The following NCR1 variants were observed in gnomAD, a reference collection of about 807,000 sequenced individuals.
The protein encoded by NCR1 is NK cell-activating receptor.
A neutral mutation model predicts 32.5 loss-of-function variants in NCR1; 30 were observed. The observed-to-expected ratio is 0.92, with a 90% confidence interval of 0.69 to 1.25. NCR1 has a LOEUF of 1.25. Ranked by LOEUF, NCR1 falls within the 50% of genes most tolerant of loss-of-function variation. The pLI is 0.00. For synonymous variants in NCR1, 169 were observed against 143.4 expected, an observed-to-expected ratio of 1.18 and a Z score of -1.28; for missense variants, 369 against 380.7, an observed-to-expected ratio of 0.97 and a Z score of 0.26.
intron 6 of NCR1, 89 bp downstream of exon 6, chr19:54,912,307 G>A: frequency 7.4e-7 from 1 of 1,360,060 alleles, no homozygotes; most frequent in Non-Finnish European, 1.0e-6. Context: ...GAACAAGAGG[G>A]TGTCCTTGGC....
chr19:54,898,722 T>A, the NCR1 span, among the ~76,000 whole-genome samples: 1 of 152,192 alleles, frequency 6.6e-6, no homozygotes, highest in Non-Finnish European at 1.5e-5. Context: ...GCTGTGTTTT[T>A]AAATTTGATG....
chr19:54,930,097 T>C, the NCR1 span, among the ~76,000 whole-genome samples: 2 of 106,342 alleles, frequency 1.9e-5, no homozygotes, highest in South Asian at 3.0e-4. Context: ...CCTGGGCAAC[T>C]AGAACGAGGC....
At chr19:54,899,719 GC>G in the NCR1 span, among the ~76,000 whole-genome samples, 1 of 151,752 alleles carries the variant, frequency 6.6e-6, no homozygotes, top group Admixed American at 6.6e-5. Context: ...GGGGGTTCTT[GC>G]CCCCCCAGAA....
chr19:54,933,866 G>T, the NCR1 span: 1 of 824,954 alleles, frequency 1.2e-6, no homozygotes, highest in Non-Finnish European at 2.1e-6. Context: ...CCTCTGTCCT[G>T]TGGGAGTCAT....
At chr19:54,907,382 C>A (rs1170009131) in intron 3 of NCR1, among the ~76,000 whole-genome samples, 1 of 149,858 alleles carries the variant, frequency 6.7e-6, no homozygotes, top group African/African-American at 2.5e-5. Context: ...AACTCCTGAC[C>A]TCAGATGATC....
At chr19:54,925,019 T>C in the NCR1 span, among the ~76,000 whole-genome samples, 6 of 152,154 alleles carry the variant, frequency 3.9e-5, no homozygotes, top group South Asian at 8.3e-4. Flanking sequence ...GGGTTAATGA[T>C]AGCAAACTTG....
intron 5 of NCR1, among the ~76,000 whole-genome samples, chr19:54,911,812 C>A (rs2067990082): frequency 6.6e-6 from 1 of 151,382 alleles, no homozygotes; most frequent in East Asian, 1.9e-4. Context: ...GCCAACATGG[C>A]AAAACCCCGT....
At chr19:54,927,389 A>T in the NCR1 span, among the ~76,000 whole-genome samples, 1 of 151,766 alleles carries the variant, frequency 6.6e-6, no homozygotes, top group Non-Finnish European at 1.5e-5. Context: ...CTCAAAAAAA[A>T]AAAAAGAAAA....
chr19:54,934,576 C>T, the NCR1 span: 229 of 1,614,080 alleles, frequency 1.4e-4, 1 homozygote, highest in South Asian at 7.5e-4. This position sits in a 1 kb window ranked among gnomAD's most constrained non-coding sequence, Gnocchi z 6.7. Context: ...GGCTGAGAGA[C>T]GCAGGTGCTT....
the NCR1 span, among the ~76,000 whole-genome samples, chr19:54,930,072 G>A: frequency 2.1e-5 from 3 of 142,192 alleles, no homozygotes; most frequent in East Asian, 2.1e-4. Context: ...CCGAGATCGC[G>A]CCACTGCACT....
the NCR1 span, among the ~76,000 whole-genome samples, chr19:54,926,227 T>TGTGTGTGTGTGTGC: frequency 3.3e-4 from 50 of 150,842 alleles, no homozygotes; most frequent in Middle Eastern, 6.8e-3. Context: ...TGTGTGTGTG[T>TGTGTGTGTGTGTGC]GCTCATGCAC....
the NCR1 span, chr19:54,936,332 C>G: frequency 6.2e-7 from 1 of 1,614,090 alleles, no homozygotes; most frequent in Non-Finnish European, 8.5e-7. Flanking sequence ...TGCGTTCCCA[C>G]TCGATGTGCC....
chr19:54,918,129 G>T (rs182533891), downstream of NCR1, among the ~76,000 whole-genome samples: 341 of 151,936 alleles, frequency 2.2e-3, 1 homozygote, highest in Middle Eastern at 0.021. Context: ...TAGAGACGGG[G>T]TTTCACCATG....
At chr19:54,902,784 G>C (rs1003836616), upstream of NCR1, among the ~76,000 whole-genome samples, 2 of 152,108 alleles carry the variant, frequency 1.3e-5, no homozygotes, top group Admixed American at 6.6e-5. Context: ...CCAGAGTTAT[G>C]ACAGCTGTGT....
At chr19:54,923,643 C>G in the NCR1 span, 4 of 1,362,188 alleles carry the variant, frequency 2.9e-6, no homozygotes, top group Non-Finnish European at 4.2e-6. Flanking sequence ...TCGACAGACT[C>G]TAGTGTTAAC....
At chr19:54,916,776 A>C (rs1602078829), downstream of NCR1, among the ~76,000 whole-genome samples, 1 of 120,886 alleles carries the variant, frequency 8.3e-6, no homozygotes, top group East Asian at 2.7e-4. Context: ...GCAATCTCGG[A>C]TCACTGCAAC....
At chr19:54,903,552 GTA>G (rs374044973), upstream of NCR1, among the ~76,000 whole-genome samples, 1,108 of 133,018 alleles carry the variant, frequency 8.3e-3, 64 homozygotes, top group East Asian at 0.022. Flanking sequence ...ATGCATGTGT[GTA>G]TATATACATA....
At chr19:54,925,698 C>CTAAAG in the NCR1 span, among the ~76,000 whole-genome samples, 1 of 152,138 alleles carries the variant, frequency 6.6e-6, no homozygotes, top group South Asian at 2.1e-4. Context: ...AGGTAGATTA[C>CTAAAG]GTTAAAATAA....
the NCR1 span, chr19:54,934,572 G>C: frequency 4.8e-5 from 77 of 1,614,148 alleles, 1 homozygote; most frequent in South Asian, 7.1e-4. The surrounding 1 kb of genome is among the most constrained non-coding windows in gnomAD (Gnocchi z 6.7). Flanking sequence ...CATTGGCTGA[G>C]AGACGCAGGT....
Sources: allele counts gnomAD v4.1 joint callset (sites outside exome capture counted in the v4.1 genomes callset), GRCh38; gene constraint gnomAD v4.1.1; non-coding constraint Gnocchi (gnomAD v3.1); transcripts MANE v1.5; gene names NCBI Gene and HGNC (gene_info 2026-07-23, HGNC 2026-07-21).